The following GABBR2 variants were observed in gnomAD, a reference collection of about 807,000 sequenced individuals.
GABBR2 encodes gamma-aminobutyric acid type B receptor subunit 2.
Under a neutral mutation model 105.6 loss-of-function variants are expected in GABBR2, and 23 were observed. The observed-to-expected ratio is 0.22, with a 90% CI of 0.16 to 0.31. The LOEUF (loss-of-function observed/expected upper bound fraction) is 0.31, where lower values mean the gene tolerates loss of function less well. Ranked by LOEUF, GABBR2 falls within the 10% of genes least tolerant of loss-of-function variation. GABBR2 has a pLI of 1.00. For synonymous variants in GABBR2, 478 were observed against 499.7 expected (o/e 0.96, Z 0.58); for missense variants, 734 against 1,245.5 (o/e 0.59, Z 6.18).
At chr9:98,671,720 T>A (rs1588277152) in intron 1 of GABBR2, among the ~76,000 whole-genome samples, 1 of 152,214 alleles carries the variant, frequency 6.6e-6, no homozygotes, top group East Asian at 1.9e-4. Flanking sequence ...GTGGTTTTGA[T>A]CTGCATTTGC....
chr9:98,562,731 T>C (rs1336300588), intron 2 of GABBR2, among the ~76,000 whole-genome samples: 2 of 151,976 alleles, frequency 1.3e-5, no homozygotes, highest in African/African-American at 4.8e-5. Context: ...ACTTTCAAAA[T>C]AACAAAATTG....
chr9:98,329,457 T>C (rs549886425), intron 13 of GABBR2, among the ~76,000 whole-genome samples: 1 of 152,302 alleles, frequency 6.6e-6, no homozygotes, highest in African/African-American at 2.4e-5. Flanking sequence ...CCTCCTCTGC[T>C]GCCTTCAAGC....
At chr9:98,663,111 C>A (rs750772757) in intron 1 of GABBR2, among the ~76,000 whole-genome samples, 1 of 152,116 alleles carries the variant, frequency 6.6e-6, no homozygotes, top group Non-Finnish European at 1.5e-5. Flanking sequence ...ATGGCTCTTA[C>A]AAGCCTGGCC....
intron 3 of GABBR2, among the ~76,000 whole-genome samples, chr9:98,505,850 C>A (rs1827499612): frequency 6.6e-6 from 1 of 152,186 alleles, no homozygotes; most frequent in Non-Finnish European, 1.5e-5. Flanking sequence ...CATTTAGGAC[C>A]TCTGGCCTCC....
rs1315099403 is a variant in GABBR2, at chr9:98,349,344, GTTTTGTTTTTTT to G, written c.1893+13359_1893+13370del. On this transcript the variant is annotated intron_variant, in intron 13 of 18. Transcript: ENST00000259455. ...TTTGGTTTGCCAATATTTTGTTGAA[GTTTTGTTTTTTT>G]TTTTTTTTTTTTTTTTTTTTTTTCG... Among the ~76,000 whole-genome samples the G allele has an allele frequency of 4.4e-4, 46 of 105,482 alleles. 4 individuals carry two copies. Among genetic ancestry groups the G allele is most frequent in the African/African-American group, 1.8e-3 (45 of 24,934 alleles). The allele number at this position is 105,482 out of a possible 152,430, so 69.2% of individuals were successfully genotyped here.
chr9:98,671,335 C>CT (rs1297005257), intron 1 of GABBR2, among the ~76,000 whole-genome samples: 1 of 152,170 alleles, frequency 6.6e-6, no homozygotes, highest in Non-Finnish European at 1.5e-5. Context: ...TACTCCATTC[C>CT]TTTTTATGGG....
chr9:98,578,502 C>T (rs1828952306), intron 1 of GABBR2, among the ~76,000 whole-genome samples: 1 of 151,838 alleles, frequency 6.6e-6, no homozygotes, highest in African/African-American at 2.4e-5. Context: ...CTGCTGTGCC[C>T]TATTAGTGGG....
At chr9:98,516,349 G>A (rs1018920779) in intron 3 of GABBR2, 5 of 152,240 alleles carry the variant, frequency 3.3e-5, no homozygotes, top group African/African-American at 1.2e-4. Flanking sequence ...CACTCCTCAT[G>A]TCTGAGAGAG....
At chr9:98,335,827 G>A (rs1484053044) in intron 13 of GABBR2, among the ~76,000 whole-genome samples, 2 of 126,142 alleles carry the variant, frequency 1.6e-5, no homozygotes, top group African/African-American at 3.0e-5. Flanking sequence ...ATCATGCCAG[G>A]GAAGCTTGTC....
intron 3 of GABBR2, among the ~76,000 whole-genome samples, chr9:98,540,014 T>G (rs2131738569): frequency 6.6e-6 from 1 of 152,286 alleles, no homozygotes; most frequent in South Asian, 2.1e-4. Context: ...GGATGGGTCC[T>G]TCTTATCCTC....
intron 1 of GABBR2, among the ~76,000 whole-genome samples, chr9:98,618,740 G>A (rs1829627551): frequency 6.6e-6 from 1 of 152,070 alleles, no homozygotes; most frequent in Admixed American, 6.6e-5. Context: ...CAGCCCTGGG[G>A]AACCAGCCTT....
chr9:98,582,014 C>T (rs1191265604), intron 1 of GABBR2, among the ~76,000 whole-genome samples: 1 of 152,190 alleles, frequency 6.6e-6, no homozygotes, highest in Non-Finnish European at 1.5e-5. Flanking sequence ...TTACAACGTT[C>T]CCAAATATTT....
At chr9:98,325,004 G>A (rs10818782) in intron 13 of GABBR2, among the ~76,000 whole-genome samples, 91,820 of 151,976 alleles carry the variant, frequency 0.6, 28,301 homozygotes, top group East Asian at 0.77. Context: ...ATAGGGTTAC[G>A]CAACTTTCGG....
intron 1 of GABBR2, among the ~76,000 whole-genome samples, chr9:98,630,997 T>TA (rs1202391590): frequency 5.9e-5 from 9 of 152,156 alleles, no homozygotes; most frequent in African/African-American, 2.2e-4. Flanking sequence ...ACAGCACAGA[T>TA]AGAGAACGGT....
chr9:98,610,212 G>A (rs1829485923), intron 1 of GABBR2, among the ~76,000 whole-genome samples: 1 of 152,232 alleles, frequency 6.6e-6, no homozygotes, highest in African/African-American at 2.4e-5. Flanking sequence ...TGGCGTGACA[G>A]TGGGCCCATT....
In GABBR2 at chr9:98,306,088, G is replaced by T; in HGVS notation, c.2229+33C>A. On this transcript the variant is annotated intron_variant, in intron 15 of 18. Transcript: ENST00000259455. This position sits in a 1 kb window ranked among gnomAD's most constrained non-coding sequence, Gnocchi z 5.4. ...AATGCCCCTGTGCTGGAGTCAGAGGGCAGAGGCCAGGTGGTGGGGCCAGCG... is the reference window on the plus strand; with the variant it reads ...AATGCCCCTGTGCTGGAGTCAGAGGTCAGAGGCCAGGTGGTGGGGCCAGCG... The T allele has an allele frequency of 6.8e-7, 1 of 1,477,484 alleles. No individual in the cohort carries two copies. Among genetic ancestry groups the T allele is most frequent in the Non-Finnish European group, 9.4e-7 (1 of 1,058,578 alleles). 91.5% of individuals were successfully genotyped at this position (1,477,484 alleles called of 1,614,324 possible).
chr9:98,684,731 G>A (rs932536274), intron 1 of GABBR2, among the ~76,000 whole-genome samples: 2 of 152,160 alleles, frequency 1.3e-5, no homozygotes, highest in African/African-American at 4.8e-5. Flanking sequence ...CCCAAAAGCA[G>A]AGTGAAAGCA....
At chr9:98,431,689 T>G (rs1482189383) in intron 7 of GABBR2, among the ~76,000 whole-genome samples, 1 of 151,616 alleles carries the variant, frequency 6.6e-6, no homozygotes, top group Non-Finnish European at 1.5e-5. Flanking sequence ...GTCTGTTTTT[T>G]TTTGTTTTGT....
intron 1 of GABBR2, among the ~76,000 whole-genome samples, chr9:98,706,091 A>G (rs560762870): frequency 1.1e-5 from 1 of 87,796 alleles, no homozygotes; most frequent in Non-Finnish European, 2.3e-5. Context: ...AAACAAAAAC[A>G]AAACAAAACA....
Sources: gnomAD v4.1 joint callset for allele counts (sites outside exome capture counted in the v4.1 genomes callset) on GRCh38, gnomAD v4.1.1 for gene constraint, Gnocchi (gnomAD v3.1) non-coding constraint, MANE v1.5 for transcripts, NCBI Gene and HGNC (gene_info 2026-07-23, HGNC 2026-07-21) for gene names.